Variants in PTPRD observed in about 807,000 individuals in gnomAD.
PTPRD encodes protein tyrosine phosphatase receptor type D.
A neutral mutation model predicts 214.5 loss-of-function variants in PTPRD; 34 were observed. The ratio of observed to expected loss-of-function variants is 0.16; its 90% CI spans 0.12 to 0.21. The LOEUF is 0.21. Among genes scored for constraint, PTPRD ranks in the 10% least tolerant of loss-of-function variants. PTPRD has a pLI of 1.00. For synonymous variants in PTPRD, 1,128 were observed against 845.7 expected (o/e 1.33, Z -5.79); for missense variants, 2,545 against 2,398.7 (o/e 1.06, Z -1.27).
At chr9:10,605,751 A>C (rs770836480) in intron 2 of PTPRD, among the ~76,000 whole-genome samples, 6 of 151,878 alleles carry the variant, frequency 4.0e-5, no homozygotes, top group Non-Finnish European at 5.9e-5. Context: ...ACGTGGATAC[A>C]TTTTATAAGA....
chr9:8,694,531 G>C (rs1170988280), intron 12 of PTPRD, among the ~76,000 whole-genome samples: 2 of 152,068 alleles, frequency 1.3e-5, no homozygotes, highest in Non-Finnish European at 2.9e-5. Flanking sequence ...TGTTTAGGTA[G>C]GATCTAAACA....
intron 8 of PTPRD, among the ~76,000 whole-genome samples, chr9:9,483,413 T>C (rs911974059): frequency 1.3e-5 from 2 of 152,236 alleles, no homozygotes; most frequent in South Asian, 2.1e-4. Context: ...AGGGAGTCAA[T>C]GGATTTAGGA....
chr9:8,689,936 C>T (rs2097768802), intron 12 of PTPRD, among the ~76,000 whole-genome samples: 1 of 151,738 alleles, frequency 6.6e-6, no homozygotes, highest in Admixed American at 6.6e-5. Flanking sequence ...GATGAAACTC[C>T]CATCTCTACT....
chr9:8,910,099 C>G (rs2098736938), intron 11 of PTPRD, among the ~76,000 whole-genome samples: 1 of 151,900 alleles, frequency 6.6e-6, no homozygotes, highest in Non-Finnish European at 1.5e-5. Context: ...AGTGCAGTGG[C>G]TCAATCTCGG....
chr9:9,795,784 G>C (rs1414268099), intron 5 of PTPRD, among the ~76,000 whole-genome samples: 2 of 152,074 alleles, frequency 1.3e-5, no homozygotes, highest in East Asian at 3.9e-4. Context: ...ATCAGATCAT[G>C]TCTTACCACA....
chr9:8,413,964 G>C (rs2131172940), intron 35 of PTPRD, among the ~76,000 whole-genome samples: 1 of 152,148 alleles, frequency 6.6e-6, no homozygotes, highest in South Asian at 2.1e-4. Context: ...GGAAAAAATG[G>C]AATCACTTGA....
intron 33 of PTPRD, among the ~76,000 whole-genome samples, chr9:8,453,127 T>C (rs1475026044): frequency 6.6e-6 from 1 of 152,160 alleles, no homozygotes; most frequent in African/African-American, 2.4e-5. Flanking sequence ...ACTCTCTCAT[T>C]TTAATAGAAA....
intron 9 of PTPRD, among the ~76,000 whole-genome samples, chr9:9,393,804 T>A (rs533457123): frequency 7.2e-5 from 11 of 152,262 alleles, no homozygotes; most frequent in South Asian, 2.1e-4. Context: ...ATAAATAATT[T>A]AGCACAAGGC....
At chr9:10,226,485 G>A (rs558678367) in intron 3 of PTPRD, among the ~76,000 whole-genome samples, 1 of 152,178 alleles carries the variant, frequency 6.6e-6, no homozygotes, top group South Asian at 2.1e-4. Flanking sequence ...CAGAGACAGA[G>A]AGGCTGCATG....
intron 3 of PTPRD, among the ~76,000 whole-genome samples, chr9:10,195,963 A>G (rs1285885312): frequency 3.3e-5 from 5 of 152,174 alleles, no homozygotes; most frequent in Admixed American, 6.6e-5. Flanking sequence ...ATCAGTGATA[A>G]AAATGAAATC....
chr9:9,680,656 G>A (rs952514452), intron 7 of PTPRD, among the ~76,000 whole-genome samples: 1 of 151,736 alleles, frequency 6.6e-6, no homozygotes, highest in African/African-American at 2.4e-5. Context: ...AATATAGCTT[G>A]GAGGTGTGAT....
chr9:10,320,738 G>C (rs1430017813), intron 3 of PTPRD, among the ~76,000 whole-genome samples: 1 of 151,762 alleles, frequency 6.6e-6, no homozygotes, highest in Non-Finnish European at 1.5e-5. Context: ...TTGTTTGTTT[G>C]TTTGCTTTGA....
intron 5 of PTPRD, among the ~76,000 whole-genome samples, chr9:9,868,430 G>C (rs2064541445): frequency 6.6e-6 from 1 of 152,080 alleles, no homozygotes; most frequent in African/African-American, 2.4e-5. Context: ...CATAACTCTA[G>C]TTATTGGTGT....
chr9:10,140,778 C>T (rs79745864), intron 3 of PTPRD, among the ~76,000 whole-genome samples: 56 of 151,756 alleles, frequency 3.7e-4, no homozygotes, highest in South Asian at 2.1e-3. Flanking sequence ...ATACCAAAGC[C>T]GGGCAGAGAC....
intron 3 of PTPRD, among the ~76,000 whole-genome samples, chr9:10,335,879 C>G (rs1270341393): frequency 6.6e-6 from 1 of 151,704 alleles, no homozygotes; most frequent in Non-Finnish European, 1.5e-5. Context: ...CAACTTAAAA[C>G]AACATAGAGA....
chr9:8,402,434 G>T (rs897295757), intron 36 of PTPRD, among the ~76,000 whole-genome samples: 1 of 152,134 alleles, frequency 6.6e-6, no homozygotes, highest in Non-Finnish European at 1.5e-5. Context: ...ATGACAAAGT[G>T]AGCAAAAGTA....
intron 9 of PTPRD, among the ~76,000 whole-genome samples, chr9:9,336,142 G>A (rs1442826385): frequency 6.7e-6 from 1 of 149,972 alleles, no homozygotes. Context: ...TATAAGCTTT[G>A]TAACCGCCTC....
At chr9:9,115,555 T>C (rs935504042) in intron 10 of PTPRD, among the ~76,000 whole-genome samples, 4 of 152,138 alleles carry the variant, frequency 2.6e-5, no homozygotes, top group African/African-American at 9.6e-5. Flanking sequence ...ACAGCCTCTA[T>C]GGAAAACAAT....
chr9:9,412,451 C>G (rs2075751338), intron 8 of PTPRD, among the ~76,000 whole-genome samples: 1 of 150,678 alleles, frequency 6.6e-6, no homozygotes, highest in Non-Finnish European at 1.5e-5. Flanking sequence ...CAGGTCTGGG[C>G]ACAGATAGAG....
Sources: gnomAD v4.1 joint callset for allele counts (sites outside exome capture counted in the v4.1 genomes callset) on GRCh38, gnomAD v4.1.1 for gene constraint, MANE v1.5 for transcripts, NCBI Gene and HGNC (gene_info 2026-07-23, HGNC 2026-07-21) for gene names.